The following DLGAP1 variants were observed in gnomAD, a reference collection of about 807,000 sequenced individuals.
DLGAP1 encodes DLG associated protein 1.
Under a neutral mutation model 90.8 loss-of-function variants are expected in DLGAP1, and 11 were observed. The observed-to-expected ratio is 0.12, with a 90% CI of 0.08 to 0.20. The LOEUF (loss-of-function observed/expected upper bound fraction) is 0.20. DLGAP1 is among the 10% of genes least tolerant of loss of function. DLGAP1 has a pLI of 1.00. For synonymous variants in DLGAP1, 558 were observed against 540.7 expected, an observed-to-expected ratio of 1.03 and a Z score of -0.44; for missense variants, 1,050 against 1,333.8, an observed-to-expected ratio of 0.79 and a Z score of 3.31.
At chr18:4,379,290 T>G (rs1444069146) in intron 1 of DLGAP1, among the ~76,000 whole-genome samples, 1 of 152,114 alleles carries the variant, frequency 6.6e-6, no homozygotes, top group Non-Finnish European at 1.5e-5. Context: ...AGCTGCTTTG[T>G]TCCCCAGGCT....
chr18:4,125,073 A>C (rs1176201611), intron 2 of DLGAP1, among the ~76,000 whole-genome samples: 1 of 152,224 alleles, frequency 6.6e-6, no homozygotes, highest in Non-Finnish European at 1.5e-5. Flanking sequence ...CTTAGGTATC[A>C]GTATATAGGA....
At chr18:3,516,698 C>A (rs146653151) in intron 10 of DLGAP1, among the ~76,000 whole-genome samples, 17 of 152,158 alleles carry the variant, frequency 1.1e-4, no homozygotes, top group African/African-American at 3.1e-4. Context: ...TGGTGGTAGA[C>A]AAGAGAGAAT....
At chr18:3,750,955 C>T (rs1424433556) in intron 5 of DLGAP1, among the ~76,000 whole-genome samples, 3 of 152,280 alleles carry the variant, frequency 2.0e-5, no homozygotes, top group African/African-American at 7.2e-5. Flanking sequence ...TAAAGTCCTC[C>T]ATCTGTACCC....
intron 2 of DLGAP1, among the ~76,000 whole-genome samples, chr18:4,106,854 C>G (rs1217337567): frequency 6.6e-6 from 1 of 152,194 alleles, no homozygotes; most frequent in Non-Finnish European, 1.5e-5. Context: ...AGGGATGAGG[C>G]AGGAGAGACC....
At position 3,879,277 on chromosome 18, in the gene DLGAP1, G is replaced by T; in HGVS notation, c.792C>A (p.Asn264Lys). 6.3e-7 allele frequency: 1 copy of T among 1,597,318 alleles called. No individual in the cohort carries two copies. The highest frequency in any genetic ancestry group is 8.5e-7 in the Non-Finnish European group (1 of 1,171,256). ...NNDVKCSTCA[N>K]LPVSLDTPLL... ...GCGGGGTGTCCAGGCTGACCGGCAG[G>T]TTGGCGCAGGTGGAGCACTTGACGT... The change falls in exon 4 of 13, where the codon AAC becomes AAA. Residue 264 changes from asparagine (N) to lysine (K), a missense_variant. By Grantham distance (94) the Asn-to-Lys change is moderately conservative. Around this residue, in one of 2 missense-constraint regions of DLGAP1, gnomAD observed 485 missense variants for 454.1 expected, o/e 1.07. Transcript: ENST00000315677. This position sits in a 1 kb window ranked among gnomAD's most constrained non-coding sequence, Gnocchi z 6.6.
chr18:3,532,351 G>A (rs1302838029), intron 10 of DLGAP1, among the ~76,000 whole-genome samples: 2 of 151,878 alleles, frequency 1.3e-5, no homozygotes, highest in African/African-American at 2.4e-5. Flanking sequence ...AGGCCGAGGC[G>A]GGTGGATCAC....
At chr18:3,791,586 A>T (rs1410976532) in intron 5 of DLGAP1, among the ~76,000 whole-genome samples, 1 of 152,176 alleles carries the variant, frequency 6.6e-6, no homozygotes, top group African/African-American at 2.4e-5. Context: ...TAGAAATCTT[A>T]TTCAGACAAA....
At chr18:3,534,021 A>G (rs2052176390) in intron 10 of DLGAP1, among the ~76,000 whole-genome samples, 173 bp downstream of exon 10, 1 of 152,156 alleles carries the variant, frequency 6.6e-6, no homozygotes, top group East Asian at 1.9e-4. Flanking sequence ...TGTGCTGTGC[A>G]GGGACTTCTG....
At chr18:3,700,603 T>TA (rs370326772) in intron 7 of DLGAP1, among the ~76,000 whole-genome samples, 1 of 151,450 alleles carries the variant, frequency 6.6e-6, no homozygotes, top group African/African-American at 2.4e-5. Flanking sequence ...TTTATTTTAT[T>TA]TTTTTAAAAT....
At position 3,791,003 on chromosome 18, in the gene DLGAP1, C is replaced by T. The variant is rs114963305; in HGVS notation, c.1172+23056G>A. Among the ~76,000 whole-genome samples the T allele has an allele frequency of 3.6e-3, 548 of 152,240 alleles. 3 individuals are homozygous for T. Among genetic ancestry groups the T allele is most frequent in the African/African-American group, 0.012 (492 of 41,534 alleles). The stretch of plus-strand genomic sequence containing the variant: ...AAAACAAAAGAACCAACCAGGCTCC[C>T]GCAGATGTGGTTTCTGCCTCTCAGA... On this transcript the variant is annotated intron_variant, in intron 5 of 12. Coordinates refer to ENST00000315677, the MANE Select transcript of DLGAP1 (RefSeq NM_004746.4).
At chr18:4,128,911 C>A (rs545292534) in intron 2 of DLGAP1, among the ~76,000 whole-genome samples, 1 of 151,838 alleles carries the variant, frequency 6.6e-6, no homozygotes, top group South Asian at 2.1e-4. Context: ...TTTTTTTTAA[C>A]TTGTAGTTTT....
chr18:3,740,999 TCACCACCACCACCACCATCAC>T (rs1568047450), intron 6 of DLGAP1, among the ~76,000 whole-genome samples: 130 of 21,506 alleles, frequency 6.0e-3, no homozygotes, highest in Non-Finnish European at 8.0e-3. Context: ...CACCATCACC[TCACCACCACCACCACCATCAC>T]CACCACCACC....
chr18:3,902,170 C>A (rs2071798823), intron 3 of DLGAP1, among the ~76,000 whole-genome samples: 1 of 152,160 alleles, frequency 6.6e-6, no homozygotes, highest in East Asian at 1.9e-4. Context: ...ATTTTGAACA[C>A]CCCTTAACAT....
intron 3 of DLGAP1, among the ~76,000 whole-genome samples, chr18:3,949,636 G>A (rs1340852657): frequency 6.6e-6 from 1 of 152,184 alleles, no homozygotes; most frequent in African/African-American, 2.4e-5. Context: ...CTTTGTCGAT[G>A]CAGGACATCC....
intron 5 of DLGAP1, among the ~76,000 whole-genome samples, chr18:3,798,335 C>T (rs1230169750): frequency 6.6e-6 from 1 of 152,212 alleles, no homozygotes; most frequent in East Asian, 1.9e-4. Flanking sequence ...AAGCTGGAGG[C>T]AGCTTGGTGG....
At chr18:3,892,246 T>A (rs2071488409) in intron 3 of DLGAP1, among the ~76,000 whole-genome samples, 1 of 151,996 alleles carries the variant, frequency 6.6e-6, no homozygotes, top group Non-Finnish European at 1.5e-5. Flanking sequence ...TTTAAATTCT[T>A]CTCAGACCCT....
intron 1 of DLGAP1, among the ~76,000 whole-genome samples, chr18:4,263,793 TA>T (rs1195276145): frequency 6.6e-6 from 1 of 152,214 alleles, no homozygotes; most frequent in Non-Finnish European, 1.5e-5. Flanking sequence ...TGTATTTTTT[TA>T]ATGTGTTTTT....
At chr18:3,903,396 A>T (rs1413445904) in intron 3 of DLGAP1, among the ~76,000 whole-genome samples, 1 of 152,188 alleles carries the variant, frequency 6.6e-6, no homozygotes, top group Non-Finnish European at 1.5e-5. Context: ...CATTATTTGT[A>T]ATTAAGTCCA....
At chr18:3,743,555 A>G (rs897180205) in intron 5 of DLGAP1, among the ~76,000 whole-genome samples, 1 of 151,908 alleles carries the variant, frequency 6.6e-6, no homozygotes, top group Non-Finnish European at 1.5e-5. Flanking sequence ...GGGGTTTCAC[A>G]GTGTTATCCA....
Sources: allele counts gnomAD v4.1 joint callset (sites outside exome capture counted in the v4.1 genomes callset), GRCh38; gene constraint gnomAD v4.1.1; regional missense constraint gnomAD v4.1.1; non-coding constraint Gnocchi (gnomAD v3.1); transcripts MANE v1.5; gene names NCBI Gene and HGNC (gene_info 2026-07-23, HGNC 2026-07-21).